TEC: variants seen among roughly 807,000 people sequenced by gnomAD.
TEC encodes the protein tyrosine-protein kinase Tec.
A neutral mutation model predicts 93.0 loss-of-function variants in TEC; 72 were observed. The observed-to-expected ratio is 0.77, with a 90% CI of 0.64 to 0.94. The LOEUF is 0.94. Ranked by LOEUF, TEC falls within the 40% of genes least tolerant of loss-of-function variation. TEC has a pLI of 0.00. For missense variants in TEC, 630 were observed against 757.9 expected (o/e 0.83, Z 1.98); for synonymous variants, 249 against 247.7 (o/e 1.01, Z -0.05).
At chr4:48,141,686 T>TC in intron 14 of TEC, 1 of 71,848 alleles carries the variant, frequency 1.4e-5, no homozygotes, top group Non-Finnish European at 3.1e-5. Context: ...CTTTTCTTTC[T>TC]TTTTTTTTTT....
intron 1 of TEC, among the ~76,000 whole-genome samples, chr4:48,240,624 C>T (rs761890403): frequency 1.2e-4 from 19 of 152,098 alleles, no homozygotes; most frequent in Non-Finnish European, 2.8e-4. Flanking sequence ...CCCTCTATGT[C>T]CTTTCCATTT....
intron 11 of TEC, 125 bp from the exon 12 acceptor site, chr4:48,146,524 A>C: frequency 1.3e-6 from 1 of 790,552 alleles, no homozygotes; most frequent in Non-Finnish European, 2.1e-6. Context: ...CTGTGTGTAC[A>C]TACAGCACTC....
chr4:48,268,981 G>C (rs1367740635), intron 1 of TEC, among the ~76,000 whole-genome samples: 2 of 152,136 alleles, frequency 1.3e-5, no homozygotes, highest in East Asian at 3.8e-4. Flanking sequence ...AAGAAATTTA[G>C]GATTAAAGAA....
intron 2 of TEC, among the ~76,000 whole-genome samples, chr4:48,212,780 C>A (rs1206493615): frequency 6.6e-6 from 1 of 152,084 alleles, no homozygotes; most frequent in East Asian, 1.9e-4. Context: ...TCTCAAGAGA[C>A]CCCCTTCATA....
chr4:48,254,680 T>C (rs552889825), intron 1 of TEC, among the ~76,000 whole-genome samples: 2 of 152,374 alleles, frequency 1.3e-5, no homozygotes, highest in South Asian at 4.1e-4. Flanking sequence ...TAGTCTTTGA[T>C]CAGCATCCAA....
intron 2 of TEC, among the ~76,000 whole-genome samples, chr4:48,186,283 T>G (rs1272321148): frequency 1.3e-5 from 2 of 152,124 alleles, no homozygotes; most frequent in African/African-American, 4.8e-5. Flanking sequence ...CGCCACCCCG[T>G]CTGGGAAGTG....
intron 7 of TEC, among the ~76,000 whole-genome samples, chr4:48,165,503 T>C (rs908004502): frequency 1.3e-5 from 2 of 152,160 alleles, no homozygotes; most frequent in African/African-American, 4.8e-5. Flanking sequence ...CCCCAAATCA[T>C]CAGGGTAAAT....
At chr4:48,266,409 A>T (rs1313194464) in intron 1 of TEC, among the ~76,000 whole-genome samples, 1 of 152,242 alleles carries the variant, frequency 6.6e-6, no homozygotes, top group Non-Finnish European at 1.5e-5. Flanking sequence ...GCTCAGGAAC[A>T]GCTTCTTGAG....
intron 2 of TEC, among the ~76,000 whole-genome samples, chr4:48,186,429 C>A (rs1205972159): frequency 6.6e-6 from 1 of 151,890 alleles, no homozygotes; most frequent in South Asian, 2.1e-4. Context: ...TCTGCCTGGC[C>A]GCCCATCGTC....
At chr4:48,154,582 G>A (rs993297022) in intron 9 of TEC, among the ~76,000 whole-genome samples, 52 of 152,070 alleles carry the variant, frequency 3.4e-4, no homozygotes, top group Admixed American at 1.1e-3. Flanking sequence ...TATGGTTTTT[G>A]CTTAAGAAAA....
intron 6 of TEC, 65 bp downstream of exon 6, chr4:48,168,521 C>A (rs1720968422): frequency 1.3e-6 from 2 of 1,553,904 alleles, no homozygotes; most frequent in African/African-American, 2.7e-5. Flanking sequence ...ACAAACACTA[C>A]CAAAACTTAA....
intron 2 of TEC, among the ~76,000 whole-genome samples, chr4:48,203,816 A>T (rs2109600356): frequency 6.6e-6 from 1 of 152,354 alleles, no homozygotes; most frequent in East Asian, 1.9e-4. Context: ...AGAATTTGAA[A>T]GAACAGCCAC....
intron 2 of TEC, among the ~76,000 whole-genome samples, chr4:48,179,487 C>G (rs1045237745): frequency 2.4e-4 from 34 of 144,204 alleles, no homozygotes; most frequent in Admixed American, 5.7e-4. Flanking sequence ...CTCCTGGTTT[C>G]AAGCAATTAT....
chr4:48,223,534 A>C (rs1034374886), intron 2 of TEC, among the ~76,000 whole-genome samples: 4 of 152,226 alleles, frequency 2.6e-5, no homozygotes, highest in Middle Eastern at 3.2e-3. Flanking sequence ...GTCTAACAAG[A>C]CTTAATACAG....
chr4:48,263,368 A>G lies in TEC; in HGVS notation c.-46+6384T>C, dbSNP rs1384411788. Among the ~76,000 whole-genome samples, 3 of 152,224 alleles carry G rather than the reference A, an allele frequency of 2.0e-5. No individual in the cohort carries two copies. The East Asian group carries it at 5.8e-4, about 29-fold the overall frequency. ...GCTGCACTTCACTGAAAGGTAAAAC[A>G]TTCAGAGGTCAAGATGGCAGAAAGA... On this transcript the variant is annotated intron_variant, in intron 1 of 17. Coordinates refer to ENST00000381501, the MANE Select transcript of TEC (RefSeq NM_003215.3).
intron 1 of TEC, among the ~76,000 whole-genome samples, chr4:48,261,334 G>A (rs1226534564): frequency 6.6e-6 from 1 of 152,156 alleles, no homozygotes; most frequent in African/African-American, 2.4e-5. Flanking sequence ...TATCACCCAA[G>A]CAGGAAAATG....
At chr4:48,214,073 T>C (rs1330924014) in intron 2 of TEC, among the ~76,000 whole-genome samples, 1 of 152,198 alleles carries the variant, frequency 6.6e-6, no homozygotes, top group African/African-American at 2.4e-5. Flanking sequence ...ACTTTAAATA[T>C]TTACTGATCA....
At chr4:48,258,846 G>A (rs181707378) in intron 1 of TEC, among the ~76,000 whole-genome samples, 1 of 151,946 alleles carries the variant, frequency 6.6e-6, no homozygotes, top group African/African-American at 2.4e-5. Context: ...TCTTTCAAAG[G>A]GAAAGACTCT....
chr4:48,139,061 A>G, intron 15 of TEC, 39 bp from the exon 16 acceptor site: 1 of 1,520,272 alleles, frequency 6.6e-7, no homozygotes, highest in Non-Finnish European at 9.1e-7. Context: ...CCTCTGAAGA[A>G]CAATCTGTTT....
Sources: gnomAD v4.1 joint callset for allele counts (sites outside exome capture counted in the v4.1 genomes callset) on GRCh38, gnomAD v4.1.1 for gene constraint, MANE v1.5 for transcripts, NCBI Gene and HGNC (gene_info 2026-07-23, HGNC 2026-07-21) for gene names.